Variants in RBFOX1 observed in about 807,000 individuals in gnomAD.
RBFOX1 encodes the protein RNA binding fox-1 homolog 1.
Under a neutral mutation model 57.7 loss-of-function variants are expected in RBFOX1, and 8 were observed. The observed-to-expected ratio is 0.14, with a 90% CI of 0.08 to 0.25. The LOEUF is 0.25. Among genes scored for constraint, RBFOX1 ranks in the 10% least tolerant of loss-of-function variants. The probability of loss-of-function intolerance (pLI) is 1.00; values close to 1 mark genes in which losing one functional copy is unlikely to be tolerated. For synonymous variants in RBFOX1, 326 were observed against 222.4 expected (o/e 1.47, Z -4.15); for missense variants, 611 against 548.5 (o/e 1.11, Z -1.14).
chr16:6,996,807 G>A (rs2092292161), intron 3 of RBFOX1, among the ~76,000 whole-genome samples: 1 of 152,108 alleles, frequency 6.6e-6, no homozygotes. Context: ...TTTATGGCCA[G>A]TCTATGAGTT....
intron 2 of RBFOX1, among the ~76,000 whole-genome samples, chr16:6,384,799 C>T (rs538986223): frequency 6.6e-6 from 1 of 152,296 alleles, no homozygotes; most frequent in South Asian, 2.1e-4. Context: ...CTGATATAGC[C>T]ACTGTTCCTA....
chr16:6,245,920 G>C (rs551089119), intron 1 of RBFOX1, among the ~76,000 whole-genome samples: 1 of 152,256 alleles, frequency 6.6e-6, no homozygotes, highest in African/African-American at 2.4e-5. Flanking sequence ...ATAGCTTTAA[G>C]CTCTCTTAAG....
intron 3 of RBFOX1, among the ~76,000 whole-genome samples, chr16:7,005,735 G>T (rs564681947): frequency 1.3e-5 from 2 of 152,188 alleles, no homozygotes; most frequent in Admixed American, 1.3e-4. Context: ...ACCGCTAGGT[G>T]ATCATGTCTG....
intron 3 of RBFOX1, among the ~76,000 whole-genome samples, chr16:5,783,479 A>G (rs919489575): frequency 6.6e-6 from 1 of 152,202 alleles, no homozygotes; most frequent in African/African-American, 2.4e-5. Flanking sequence ...ATGCATATCA[A>G]TAATATAGGA....
intron 1 of RBFOX1, among the ~76,000 whole-genome samples, chr16:5,440,843 A>G (rs1392456978): frequency 6.6e-6 from 1 of 152,174 alleles, no homozygotes; most frequent in Non-Finnish European, 1.5e-5. Flanking sequence ...GGTCTTCTAG[A>G]TCAACTCACT....
At position 7,211,928 on chromosome 16, in the gene RBFOX1, G is replaced by A. The variant is rs146147291; in HGVS notation, c.27+159830G>A. On this transcript the variant is annotated intron_variant, in intron 4 of 15. Transcript: ENST00000550418. ...GGGAAGCCAGCTACCCACAGGCGCCGTAAATTGCCTTTTCCTCTCACCCCT... is the reference window on the plus strand; with the variant it reads ...GGGAAGCCAGCTACCCACAGGCGCCATAAATTGCCTTTTCCTCTCACCCCT... Among the ~76,000 whole-genome samples the A allele has an allele frequency of 4.2e-3, 646 of 152,198 alleles. 4 individuals are homozygous for A. The highest frequency in any genetic ancestry group is 0.015 in the African/African-American group (619 of 41,532).
chr16:6,393,758 C>T (rs2092705374), intron 2 of RBFOX1, among the ~76,000 whole-genome samples: 1 of 152,178 alleles, frequency 6.6e-6, no homozygotes, highest in East Asian at 1.9e-4. Context: ...TTCCTTACCT[C>T]ATCATGTTAT....
In RBFOX1 at chr16:7,277,414, T is replaced by A. The variant is rs192355323; in HGVS notation, c.27+225316T>A. Among the ~76,000 whole-genome samples, 71 of 152,314 alleles carry A rather than the reference T, an allele frequency of 4.7e-4. No individual in the cohort carries two copies. The East Asian group carries it at 0.013, about 28-fold the overall frequency. ...ATCTCCCACCCATCTCCAGCTGGAATGTTGTACATTCTCTGTGCCACCAGA... is the reference window on the plus strand; with the variant it reads ...ATCTCCCACCCATCTCCAGCTGGAAAGTTGTACATTCTCTGTGCCACCAGA... On this transcript the variant is annotated intron_variant, in intron 4 of 15. Transcript: ENST00000550418.
At chr16:5,385,501 A>T (rs912992791) in intron 1 of RBFOX1, among the ~76,000 whole-genome samples, 1 of 152,252 alleles carries the variant, frequency 6.6e-6, no homozygotes, top group Non-Finnish European at 1.5e-5. Flanking sequence ...AATGATAAAG[A>T]AACAGAATAA....
intron 2 of RBFOX1, among the ~76,000 whole-genome samples, chr16:6,429,291 G>T (rs777607346): frequency 1.3e-5 from 2 of 152,210 alleles, no homozygotes; most frequent in African/African-American, 4.8e-5. Context: ...CCGTGCACAC[G>T]GCCCTGGGAT....
chr16:6,022,069 T>C (rs2095091454), intron 1 of RBFOX1, among the ~76,000 whole-genome samples: 1 of 152,142 alleles, frequency 6.6e-6, no homozygotes, highest in African/African-American at 2.4e-5. Flanking sequence ...TCTCTGCATG[T>C]TCCAAGGAGG....
chr16:6,622,029 G>C (rs978350218), intron 2 of RBFOX1, among the ~76,000 whole-genome samples: 2 of 152,176 alleles, frequency 1.3e-5, no homozygotes, highest in Non-Finnish European at 2.9e-5. Context: ...GCCTTTACAA[G>C]ACCTGAGAGT....
At chr16:6,296,231 G>T (rs145398218) in intron 1 of RBFOX1, among the ~76,000 whole-genome samples, 3 of 152,138 alleles carry the variant, frequency 2.0e-5, no homozygotes, top group Non-Finnish European at 4.4e-5. Context: ...TGACCTTGGT[G>T]CCAAGTTCAG....
intron 4 of RBFOX1, among the ~76,000 whole-genome samples, chr16:7,419,644 C>T (rs958547538): frequency 2.0e-5 from 3 of 152,190 alleles, no homozygotes; most frequent in Non-Finnish European, 1.5e-5. Flanking sequence ...CCCTCAGGGA[C>T]ATGACAGTTC....
At chr16:5,770,316 C>T (rs1313957696) in intron 3 of RBFOX1, among the ~76,000 whole-genome samples, 1 of 152,202 alleles carries the variant, frequency 6.6e-6, no homozygotes, top group Non-Finnish European at 1.5e-5. Flanking sequence ...GCTGCCCTCA[C>T]TGCTCTTTGT....
At chr16:6,958,021 A>C (rs1395315872) in intron 3 of RBFOX1, among the ~76,000 whole-genome samples, 1 of 152,168 alleles carries the variant, frequency 6.6e-6, no homozygotes, top group African/African-American at 2.4e-5. Context: ...CTCAGGGGTG[A>C]GAATACCAGG....
intron 1 of RBFOX1, among the ~76,000 whole-genome samples, chr16:6,094,095 C>G (rs1343398062): frequency 6.6e-6 from 1 of 152,228 alleles, no homozygotes; most frequent in Non-Finnish European, 1.5e-5. Context: ...TGAAAAGACC[C>G]CAAATGTGCA....
rs2059155109 is a variant in RBFOX1, at chr16:7,620,576, A to G, written c.677-10027A>G. ...AAAACCCTATCACAGATTCTTAAAC[A>G]TGATCAGGAGGTTCTAGCTAACATC... On this transcript the variant is annotated intron_variant, in intron 10 of 15. Coordinates refer to ENST00000550418, the MANE Select transcript of RBFOX1 (RefSeq NM_018723.4). Among the ~76,000 whole-genome samples, 3 of 152,328 alleles carry G rather than the reference A, an allele frequency of 2.0e-5. No homozygotes were observed. The South Asian group carries it at 6.2e-4, about 32-fold the overall frequency.
intron 3 of RBFOX1, among the ~76,000 whole-genome samples, chr16:6,924,044 C>T (rs1054688805): frequency 2.6e-5 from 4 of 151,808 alleles, no homozygotes; most frequent in African/African-American, 9.7e-5. Flanking sequence ...GTGGTACGTA[C>T]CTGTAGTCCC....
Sources: allele counts gnomAD v4.1 joint callset (sites outside exome capture counted in the v4.1 genomes callset), GRCh38; gene constraint gnomAD v4.1.1; transcripts MANE v1.5; gene names NCBI Gene and HGNC (gene_info 2026-07-23, HGNC 2026-07-21).